KIRREL3: variants seen among roughly 807,000 people sequenced by gnomAD.
KIRREL3 encodes the protein kirre like nephrin family adhesion molecule 3.
In KIRREL3, 36 loss-of-function variants were observed where a neutral mutation model predicts 89.7. The ratio of observed to expected loss-of-function variants is 0.40; its 90% CI spans 0.31 to 0.53. The LOEUF (loss-of-function observed/expected upper bound fraction) is 0.53. Among genes scored for constraint, KIRREL3 ranks in the 20% least tolerant of loss-of-function variants. The pLI, the probability that KIRREL3 is intolerant of heterozygous loss-of-function variation, is 0.49. For missense variants in KIRREL3, 864 were observed against 1,056.6 expected (o/e 0.82, Z 2.53); for synonymous variants, 445 against 441.4 (o/e 1.01, Z -0.10).
At chr11:126,473,611 T>C in intron 4 of KIRREL3, 145 bp from the exon 5 acceptor site, 1 of 674,360 alleles carries the variant, frequency 1.5e-6, no homozygotes, top group Admixed American at 2.8e-5. Context: ...ATCGTAATGA[T>C]GAGAGCAGCA....
rs754710748 is a variant in KIRREL3, at chr11:126,978,873, A to T, written c.55+21582T>A. Among the ~76,000 whole-genome samples the T allele has an allele frequency of 1.4e-4, 21 of 152,142 alleles. No individual in the cohort carries two copies. Among genetic ancestry groups the T allele is most frequent in the Non-Finnish European group, 8.8e-5 (6 of 68,006 alleles). On this transcript the variant is annotated intron_variant, in intron 1 of 16. Transcript: ENST00000525144. This position sits in a 1 kb window ranked among gnomAD's most constrained non-coding sequence, Gnocchi z 4.2. ...TATTCTCTTACCTGGCTTCCCTGTT[A>T]TGCCCTGTGTCCCTGAATACATTGA... is the stretch of plus-strand genomic sequence containing the variant.
intron 1 of KIRREL3, among the ~76,000 whole-genome samples, chr11:126,894,496 C>T (rs773220150): frequency 2.1e-4 from 29 of 136,820 alleles, no homozygotes; most frequent in Admixed American, 4.0e-4. Flanking sequence ...ATCCCTTGAG[C>T]CCAGGAGTTC....
intron 1 of KIRREL3, among the ~76,000 whole-genome samples, chr11:126,711,993 T>C (rs1736109366): frequency 6.6e-6 from 1 of 152,178 alleles, no homozygotes; most frequent in Non-Finnish European, 1.5e-5. Context: ...CACTCCACAG[T>C]GGCGCTGAAC....
rs995793378 is a variant in KIRREL3, at chr11:126,560,828, GA to G, written c.133+2006del. 9.2e-5 allele frequency among the ~76,000 whole-genome samples: 14 copies of G among 152,150 alleles called. 1 individual carries two copies. The highest frequency in any genetic ancestry group is 3.4e-4 in the African/African-American group (14 of 41,418). ...ATCTCACTAATCCTAGCAACTGGGA[GA>G]AAAATAATTGTTTTTCCCTATTTTA... On this transcript the variant is annotated intron_variant, in intron 2 of 16. Coordinates refer to ENST00000525144, the MANE Select transcript of KIRREL3 (RefSeq NM_032531.4).
At chr11:126,625,517 A>G (rs186989675) in intron 1 of KIRREL3, among the ~76,000 whole-genome samples, 15 of 152,270 alleles carry the variant, frequency 9.9e-5, no homozygotes, top group Admixed American at 9.8e-4. Context: ...TCTTGAAACA[A>G]GACAAATCCA....
At chr11:126,586,101 C>A (rs1388549025) in intron 1 of KIRREL3, among the ~76,000 whole-genome samples, 1 of 152,132 alleles carries the variant, frequency 6.6e-6, no homozygotes, top group South Asian at 2.1e-4. Context: ...CAGGATCCCT[C>A]CCCGGACGTG....
chr11:126,618,963 A>G (rs1227591073), intron 1 of KIRREL3, among the ~76,000 whole-genome samples: 2 of 152,246 alleles, frequency 1.3e-5, no homozygotes, highest in Non-Finnish European at 1.5e-5. Flanking sequence ...GTACTATTCT[A>G]GAACCTGGCA....
In KIRREL3 at chr11:126,752,780, G is replaced by A. The variant is rs147325394; in HGVS notation, c.56-189868C>T. ...TGAAGAGCATGGAAAAAAACAATTGGTTTTGCATGTTTCCTTGGGAATTTC... is the reference window on the plus strand; with the variant it reads ...TGAAGAGCATGGAAAAAAACAATTGATTTTGCATGTTTCCTTGGGAATTTC... On this transcript the variant is annotated intron_variant, in intron 1 of 16. Coordinates refer to ENST00000525144, the MANE Select transcript of KIRREL3 (RefSeq NM_032531.4). This position sits in a 1 kb window ranked among gnomAD's most constrained non-coding sequence, Gnocchi z 4.8. Among the ~76,000 whole-genome samples the A allele has an allele frequency of 4.5e-3, 685 of 152,288 alleles. 4 individuals carry two copies. The highest frequency in any genetic ancestry group is 7.2e-3 in the Non-Finnish European group (488 of 68,024).
In KIRREL3 at chr11:126,495,691, G is replaced by A. The variant is rs1243257668; in HGVS notation, c.434-22225C>T. ...TGGTCACAGTCAGGACCATGGAGGA[G>A]GAGGGGCACTCAGAGATTCACCTGC... is the stretch of plus-strand genomic sequence containing the variant. On this transcript the variant is annotated intron_variant, in intron 4 of 16. Transcript: ENST00000525144. This position sits in a 1 kb window ranked among gnomAD's most constrained non-coding sequence, Gnocchi z 6.5. 6.6e-6 allele frequency among the ~76,000 whole-genome samples: 1 copy of A among 152,130 alleles called. No homozygotes were observed. The highest frequency in any genetic ancestry group is 1.5e-5 in the Non-Finnish European group (1 of 68,026).
chr11:126,816,245 A>T (rs1951568649), intron 1 of KIRREL3, among the ~76,000 whole-genome samples: 1 of 152,246 alleles, frequency 6.6e-6, no homozygotes, highest in Admixed American at 6.5e-5. Context: ...GGTAAATAAC[A>T]AGGACAGTAT....
At position 126,837,178 on chromosome 11, in the gene KIRREL3, A is replaced by G. The variant is rs1383875938; in HGVS notation, c.55+163277T>C. 6.6e-6 allele frequency among the ~76,000 whole-genome samples: 1 copy of G among 152,184 alleles called. No individual in the cohort carries two copies. The highest frequency in any genetic ancestry group is 1.5e-5 in the Non-Finnish European group (1 of 68,032). On this transcript the variant is annotated intron_variant, in intron 1 of 16. Transcript: ENST00000525144. This position sits in a 1 kb window ranked among gnomAD's most constrained non-coding sequence, Gnocchi z 4.7. ...TTAACAAGTGTGTGGCCTTGGGTAA[A>G]TGATAACTTCATCTAAAATCCAGTT...
chr11:126,595,401 T>C (rs12364302), intron 1 of KIRREL3, among the ~76,000 whole-genome samples: 2,199 of 152,296 alleles, frequency 0.014, 22 homozygotes, highest in Non-Finnish European at 0.024. Flanking sequence ...TCGCCCAGGA[T>C]TGGGGGGCTC....
At chr11:126,597,425 C>T (rs958918566) in intron 1 of KIRREL3, among the ~76,000 whole-genome samples, 22 of 152,310 alleles carry the variant, frequency 1.4e-4, no homozygotes, top group East Asian at 7.7e-4. Flanking sequence ...AGGTCACTGA[C>T]GACACCATCT....
Position 126,443,054 on chromosome 11 carries a change from G to T in KIRREL3, c.1252+1925C>A, listed in dbSNP as rs150906298. Among the ~76,000 whole-genome samples, 239 of 152,332 alleles carry T rather than the reference G, an allele frequency of 1.6e-3. No individual in the cohort carries two copies. Among genetic ancestry groups the T allele is most frequent in the African/African-American group, 5.3e-3 (222 of 41,566 alleles). On this transcript the variant is annotated intron_variant, in intron 10 of 16. Coordinates refer to ENST00000525144, the MANE Select transcript of KIRREL3 (RefSeq NM_032531.4). This position sits in a 1 kb window ranked among gnomAD's most constrained non-coding sequence, Gnocchi z 7.3. The stretch of plus-strand genomic sequence containing the variant: ...TCCCCAGGGGGCATTCTCTCCTCAA[G>T]AAATCTCTTTAAATCTCCCTTGGAA...
In KIRREL3 at chr11:126,696,842, G is replaced by A. The variant is rs1386761325; in HGVS notation, c.56-133930C>T. Among the ~76,000 whole-genome samples the A allele has an allele frequency of 2.6e-5, 4 of 152,226 alleles. No individual in the cohort carries two copies. Among genetic ancestry groups the A allele is most frequent in the South Asian group, 2.1e-4 (1 of 4,812 alleles). ...AGACTGTGGAATGAGGTTGACTAGC[G>A]CTTACATCCAGACACTACTGTACCA... is the stretch of plus-strand genomic sequence containing the variant. On this transcript the variant is annotated intron_variant, in intron 1 of 16. Coordinates refer to ENST00000525144, the MANE Select transcript of KIRREL3 (RefSeq NM_032531.4). This position sits in a 1 kb window ranked among gnomAD's most constrained non-coding sequence, Gnocchi z 4.4.
chr11:126,733,431 C>T (rs191902542), intron 1 of KIRREL3, among the ~76,000 whole-genome samples: 2 of 152,176 alleles, frequency 1.3e-5, no homozygotes, highest in African/African-American at 2.4e-5. Flanking sequence ...GGATGCAATG[C>T]GCTGGGGAGA....
chr11:126,714,020 G>A (rs1009215971), intron 1 of KIRREL3, among the ~76,000 whole-genome samples: 6 of 152,226 alleles, frequency 3.9e-5, no homozygotes, highest in South Asian at 2.1e-4. Context: ...CTCTGCATTC[G>A]TATTGGGTAG....
Position 126,515,795 on chromosome 11 carries a change from C to G in KIRREL3, c.433+5520G>C, listed in dbSNP as rs1431395261. On this transcript the variant is annotated intron_variant, in intron 4 of 16. Transcript: ENST00000525144. The surrounding 1 kb of genome is among the most constrained non-coding windows in gnomAD (Gnocchi z 4.2). ...GTTCTGTGGGGACACTTTCTCGCCCCTGAAGAACCCCTCAGACTGTCACCT... is the reference window on the plus strand; with the variant it reads ...GTTCTGTGGGGACACTTTCTCGCCCGTGAAGAACCCCTCAGACTGTCACCT... 2.6e-5 allele frequency among the ~76,000 whole-genome samples: 4 copies of G among 152,212 alleles called. No homozygotes were observed. The highest frequency in any genetic ancestry group is 9.6e-5 in the African/African-American group (4 of 41,452).
intron 1 of KIRREL3, among the ~76,000 whole-genome samples, chr11:126,865,259 C>T (rs1050686402): frequency 1.3e-5 from 2 of 152,218 alleles, no homozygotes; most frequent in Non-Finnish European, 1.5e-5. Context: ...ATTATTTCAT[C>T]GGCTAAAAGC....
Sources: allele counts gnomAD v4.1 joint callset (sites outside exome capture counted in the v4.1 genomes callset), GRCh38; gene constraint gnomAD v4.1.1; non-coding constraint Gnocchi (gnomAD v3.1); transcripts MANE v1.5; gene names NCBI Gene and HGNC (gene_info 2026-07-23, HGNC 2026-07-21).